The following FBXL17 variants were observed in gnomAD, a reference collection of about 807,000 sequenced individuals.
FBXL17 encodes the protein F-box/LRR-repeat protein 17.
In FBXL17, 22 loss-of-function variants were observed where a neutral mutation model predicts 66.2. That is an observed-to-expected ratio of 0.33 (90% CI 0.24 to 0.47). The LOEUF is 0.47. FBXL17 is among the 20% of genes least tolerant of loss of function. The pLI, the probability that FBXL17 is intolerant of heterozygous loss-of-function variation, is 1.00. For synonymous variants in FBXL17, 474 were observed against 400.5 expected (o/e 1.18, Z -2.19); for missense variants, 878 against 948.2 (o/e 0.93, Z 0.97).
chr5:108,207,620 C>A (rs550214047), intron 5 of FBXL17, among the ~76,000 whole-genome samples: 1 of 152,250 alleles, frequency 6.6e-6, no homozygotes, highest in African/African-American at 2.4e-5. Flanking sequence ...TGATGGTTTG[C>A]AGTTTCCTCC....
At chr5:108,338,390 G>C (rs1746653657) in intron 4 of FBXL17, among the ~76,000 whole-genome samples, 1 of 152,046 alleles carries the variant, frequency 6.6e-6, no homozygotes, top group South Asian at 2.1e-4. Context: ...TTGTATTACA[G>C]AGTCTCAATA....
intron 6 of FBXL17, among the ~76,000 whole-genome samples, chr5:108,043,208 T>A (rs1297503954): frequency 6.6e-6 from 1 of 152,218 alleles, no homozygotes; most frequent in African/African-American, 2.4e-5. Flanking sequence ...GTCTTTCACA[T>A]AGCAAAAGTT....
chr5:108,120,275 G>T (rs1206051506), intron 6 of FBXL17, among the ~76,000 whole-genome samples: 1 of 152,134 alleles, frequency 6.6e-6, no homozygotes, highest in Non-Finnish European at 1.5e-5. Flanking sequence ...TGAAAAAGTG[G>T]CTTATAAGAT....
At chr5:108,111,252 GAAGA>G (rs951230730) in intron 6 of FBXL17, among the ~76,000 whole-genome samples, 3 of 148,342 alleles carry the variant, frequency 2.0e-5, no homozygotes, top group Non-Finnish European at 3.0e-5. Flanking sequence ...AAAAGAAAAA[GAAGA>G]AAGAGGGAGC....
chr5:108,068,983 A>C (rs1200898097), intron 6 of FBXL17, among the ~76,000 whole-genome samples: 1 of 152,240 alleles, frequency 6.6e-6, no homozygotes, highest in Non-Finnish European at 1.5e-5. Flanking sequence ...AAACATTTAG[A>C]GAACATCTTA....
intron 4 of FBXL17, among the ~76,000 whole-genome samples, chr5:108,344,181 C>T (rs189614767): frequency 9.1e-4 from 138 of 151,736 alleles, no homozygotes; most frequent in African/African-American, 3.3e-3. Context: ...CCTAGGGGGT[C>T]GGGGGGGAAA....
chr5:108,230,200 T>A (rs1466432911), intron 4 of FBXL17, among the ~76,000 whole-genome samples: 3 of 152,158 alleles, frequency 2.0e-5, no homozygotes, highest in African/African-American at 4.8e-5. Context: ...TACCATTTGA[T>A]CCAGCAATCC....
At chr5:108,113,818 A>G (rs1750135371) in intron 6 of FBXL17, among the ~76,000 whole-genome samples, 1 of 152,174 alleles carries the variant, frequency 6.6e-6, no homozygotes, top group Non-Finnish European at 1.5e-5. Context: ...AATCTGACAT[A>G]ATCCCTAAAC....
At chr5:108,050,971 A>G (rs1334387979) in intron 6 of FBXL17, among the ~76,000 whole-genome samples, 2 of 152,216 alleles carry the variant, frequency 1.3e-5, no homozygotes, top group Non-Finnish European at 2.9e-5. Context: ...CTGTGCAAAT[A>G]AACTAGAAAA....
At chr5:107,960,800 T>C (rs1751871059) in intron 7 of FBXL17, among the ~76,000 whole-genome samples, 1 of 152,226 alleles carries the variant, frequency 6.6e-6, no homozygotes, top group Non-Finnish European at 1.5e-5. Flanking sequence ...ACCTATTTAC[T>C]GACTGCCTTT....
intron 5 of FBXL17, among the ~76,000 whole-genome samples, chr5:108,217,174 C>G (rs1337258944): frequency 6.6e-6 from 1 of 151,970 alleles, no homozygotes; most frequent in African/African-American, 2.4e-5. Flanking sequence ...AACCCTGGAC[C>G]CCAGCCCCAC....
chr5:108,100,085 T>C (rs1417949389), intron 6 of FBXL17, among the ~76,000 whole-genome samples: 1 of 152,146 alleles, frequency 6.6e-6, no homozygotes, highest in Non-Finnish European at 1.5e-5. Flanking sequence ...TATCATACTA[T>C]TTATAGTATG....
chr5:107,893,755 C>T (rs1484125899), intron 7 of FBXL17, among the ~76,000 whole-genome samples: 1 of 152,152 alleles, frequency 6.6e-6, no homozygotes, highest in Non-Finnish European at 1.5e-5. Flanking sequence ...TCTCTGACAC[C>T]TAGGTGGTAT....
chr5:108,157,123 A>G (rs1029740691), intron 6 of FBXL17, among the ~76,000 whole-genome samples: 3 of 151,310 alleles, frequency 2.0e-5, no homozygotes, highest in African/African-American at 4.9e-5. Flanking sequence ...GATAATATGC[A>G]TCATCTAGTA....
chr5:107,999,452 AACACACAC>A (rs55900474), intron 7 of FBXL17, among the ~76,000 whole-genome samples: 7,336 of 144,504 alleles, frequency 0.051, 673 homozygotes, highest in African/African-American at 0.18. Flanking sequence ...TTTTGTCAGA[AACACACAC>A]ACACACACAC....
chr5:108,226,404 G>A (rs1475811350), intron 4 of FBXL17, among the ~76,000 whole-genome samples: 1 of 151,996 alleles, frequency 6.6e-6, no homozygotes, highest in African/African-American at 2.4e-5. Context: ...TTTAGACAAA[G>A]GATATATTTG....
chr5:108,055,089 T>G lies in FBXL17; in HGVS notation c.1746-34088A>C, dbSNP rs1375269451. On this transcript the variant is annotated intron_variant, in intron 6 of 8. Coordinates refer to ENST00000542267, the MANE Select transcript of FBXL17 (RefSeq NM_001163315.3). ...TGAATTCCAAGGGTTTTTAAAAATT[T>G]TTCATCTTCAATAAAATAACAGAAC... Among the ~76,000 whole-genome samples the G allele has an allele frequency of 4.6e-5, 7 of 152,102 alleles. No homozygotes were observed. The East Asian group carries it at 1.4e-3, about 29-fold the overall frequency.
intron 6 of FBXL17, among the ~76,000 whole-genome samples, chr5:108,085,470 T>C (rs1329326887): frequency 6.6e-6 from 1 of 152,208 alleles, no homozygotes; most frequent in Non-Finnish European, 1.5e-5. Flanking sequence ...CAAGAATAGA[T>C]GGCTGAGCGT....
intron 6 of FBXL17, among the ~76,000 whole-genome samples, chr5:108,112,421 C>T (rs1362525394): frequency 6.6e-6 from 1 of 152,150 alleles, no homozygotes; most frequent in Non-Finnish European, 1.5e-5. Context: ...TAGCCCTTGA[C>T]TAAACACTGT....
Sources: allele counts gnomAD v4.1 joint callset (sites outside exome capture counted in the v4.1 genomes callset), GRCh38; gene constraint gnomAD v4.1.1; transcripts MANE v1.5; gene names NCBI Gene and HGNC (gene_info 2026-07-23, HGNC 2026-07-21).